MEIS2: variants seen among roughly 807,000 people sequenced by gnomAD.
MEIS2 encodes the protein homeobox protein Meis2.
A neutral mutation model predicts 58.6 loss-of-function variants in MEIS2; 9 were observed. The observed-to-expected ratio is 0.15, with a 90% confidence interval of 0.09 to 0.27. MEIS2 has a LOEUF of 0.27. MEIS2 is among the 10% of genes least tolerant of loss of function. The probability of loss-of-function intolerance (pLI) is 1.00; values close to 1 mark genes in which losing one functional copy is unlikely to be tolerated. For missense variants in MEIS2, 427 were observed against 635.0 expected, an observed-to-expected ratio of 0.67 and a Z score of 3.52; for synonymous variants, 221 against 228.4, an observed-to-expected ratio of 0.97 and a Z score of 0.29.
intron 8 of MEIS2, among the ~76,000 whole-genome samples, chr15:36,991,711 C>G (rs954377287): frequency 4.1e-5 from 6 of 147,536 alleles, no homozygotes; most frequent in Non-Finnish European, 7.4e-5. Flanking sequence ...ACTCTTAAAG[C>G]TATCAGGCTA....
At chr15:36,902,759 AG>A (rs1419986590) in intron 9 of MEIS2, among the ~76,000 whole-genome samples, 4 of 152,208 alleles carry the variant, frequency 2.6e-5, no homozygotes, top group African/African-American at 9.6e-5. Context: ...TAGGTATCTT[AG>A]ATCTAAACAG....
At chr15:36,930,023 T>C (rs1349413522) in intron 9 of MEIS2, among the ~76,000 whole-genome samples, 3 of 151,634 alleles carry the variant, frequency 2.0e-5, no homozygotes, top group Non-Finnish European at 2.9e-5. Flanking sequence ...GCCAACATGG[T>C]GAAACCCCAT....
chr15:37,099,383 G>A (rs536539702), intron 1 of MEIS2, 72 bp downstream of exon 1: 1 of 1,604,198 alleles, frequency 6.2e-7, no homozygotes, highest in South Asian at 1.1e-5. Context: ...GTTGAAGGGA[G>A]AGGAGGCATC....
chr15:36,930,219 A>G (rs926026784), intron 9 of MEIS2, among the ~76,000 whole-genome samples: 52 of 148,128 alleles, frequency 3.5e-4, no homozygotes, highest in African/African-American at 8.8e-4. Context: ...AAAAAAAAAA[A>G]AGAGAGAGAG....
intron 9 of MEIS2, among the ~76,000 whole-genome samples, chr15:36,928,148 A>G (rs2057823231): frequency 6.6e-6 from 1 of 152,222 alleles, no homozygotes; most frequent in Non-Finnish European, 1.5e-5. Flanking sequence ...AAAACGTTGC[A>G]TAATAGTAAG....
chr15:37,008,926 A>G (rs143397841), intron 8 of MEIS2, among the ~76,000 whole-genome samples: 165 of 152,334 alleles, frequency 1.1e-3, no homozygotes, highest in African/African-American at 3.6e-3. Context: ...CCCCTCTTAA[A>G]TTATCACTTT....
chr15:36,930,233 GA>G (rs944116128), intron 9 of MEIS2, among the ~76,000 whole-genome samples: 1 of 137,554 alleles, frequency 7.3e-6, no homozygotes, highest in South Asian at 2.3e-4. Flanking sequence ...GAGAGAGAGA[GA>G]AAAAAAAAGT....
At chr15:36,980,559 A>G (rs2059899305) in intron 8 of MEIS2, among the ~76,000 whole-genome samples, 1 of 152,146 alleles carries the variant, frequency 6.6e-6, no homozygotes, top group African/African-American at 2.4e-5. Context: ...ACCTGCCCCC[A>G]TGATTCAATT....
chr15:36,928,479 T>G (rs1303187717), intron 9 of MEIS2, among the ~76,000 whole-genome samples: 1 of 152,180 alleles, frequency 6.6e-6, no homozygotes, highest in Non-Finnish European at 1.5e-5. Flanking sequence ...TGAGGCCAGA[T>G]GCAAACTCAC....
chr15:36,932,168 T>C (rs1430122388), intron 9 of MEIS2, among the ~76,000 whole-genome samples: 1 of 152,228 alleles, frequency 6.6e-6, no homozygotes, highest in Non-Finnish European at 1.5e-5. Context: ...TAATCGCTAA[T>C]GACTGAAATA....
chr15:37,099,170 C>T (rs1309359880), intron 1 of MEIS2: 3 of 1,261,880 alleles, frequency 2.4e-6, no homozygotes, highest in Non-Finnish European at 3.0e-6. Flanking sequence ...AACGATTGCA[C>T]ACGCACACAC....
chr15:37,050,354 AG>A (rs2062862712), intron 7 of MEIS2, among the ~76,000 whole-genome samples: 1 of 152,168 alleles, frequency 6.6e-6, no homozygotes, highest in Admixed American at 6.5e-5. Context: ...GAATGGATGG[AG>A]GGCTCTCTTA....
chr15:37,066,552 C>T (rs1045265038), intron 7 of MEIS2: 6 of 152,188 alleles, frequency 3.9e-5, no homozygotes, highest in African/African-American at 1.4e-4. Context: ...GGGAATCAAA[C>T]AAAAATTTAT....
intron 8 of MEIS2, among the ~76,000 whole-genome samples, chr15:36,959,135 C>T (rs946619539): frequency 2.0e-5 from 3 of 152,136 alleles, no homozygotes. Context: ...CTTGGCCAAA[C>T]CTCGCTGGCT....
At chr15:36,997,859 C>T (rs908791337) in intron 8 of MEIS2, among the ~76,000 whole-genome samples, 1 of 152,148 alleles carries the variant, frequency 6.6e-6, no homozygotes, top group Admixed American at 6.5e-5. Flanking sequence ...AAGCATACCA[C>T]CTGCACAGGC....
chr15:37,068,852 T>C (rs992977266), intron 7 of MEIS2, among the ~76,000 whole-genome samples: 7 of 152,308 alleles, frequency 4.6e-5, no homozygotes, highest in African/African-American at 1.7e-4. Context: ...GTCCATGAAC[T>C]TCATTTTCCA....
At chr15:36,931,041 C>T (rs889015602) in intron 9 of MEIS2, among the ~76,000 whole-genome samples, 49 of 152,288 alleles carry the variant, frequency 3.2e-4, no homozygotes, top group Admixed American at 2.0e-3. Flanking sequence ...ATTGGTTCAG[C>T]CCATTCCTAA....
intron 9 of MEIS2, among the ~76,000 whole-genome samples, chr15:36,931,475 A>G (rs2057975323): frequency 6.6e-6 from 1 of 152,238 alleles, no homozygotes; most frequent in African/African-American, 2.4e-5. Context: ...GTTTGTTCAA[A>G]ATAACACCAG....
Position 37,100,383 on chromosome 15 carries a change from TGAA to T in MEIS2, c.-920_-918del, listed in dbSNP as rs1894952693. On this transcript the variant is annotated 5_prime_UTR_variant, in exon 1 of 12. Transcript: ENST00000561208. ...GCAGGTTGGCTGCTGCCTGGCTTATTGAAGAGCCTCAGTTTGGCGGCGCGGGTC... is the reference window on the plus strand; with the variant it reads ...GCAGGTTGGCTGCTGCCTGGCTTATTGAGCCTCAGTTTGGCGGCGCGGGTC... The T allele has an allele frequency of 6.5e-6, 1 of 152,722 alleles. No homozygotes were observed. The highest frequency in any genetic ancestry group is 1.5e-5 in the Non-Finnish European group (1 of 68,324). The allele number at this position is 152,722 out of a possible 1,614,324, so 9.5% of individuals were successfully genotyped here. A position where few individuals can be genotyped will look rare whatever the true frequency, so the allele number is the denominator to read the frequency against.
Sources: gnomAD v4.1 joint callset for allele counts (sites outside exome capture counted in the v4.1 genomes callset) on GRCh38, gnomAD v4.1.1 for gene constraint, MANE v1.5 for transcripts, NCBI Gene and HGNC (gene_info 2026-07-23, HGNC 2026-07-21) for gene names.